The following ENPP3 variants were observed in gnomAD, a reference collection of about 807,000 sequenced individuals.
ENPP3 encodes ectonucleotide pyrophosphatase/phosphodiesterase family member 3.
ENPP3 carries 104 observed loss-of-function variants against 117.8 expected under a neutral mutation model. The observed-to-expected ratio is 0.88, with a 90% CI of 0.75 to 1.04. The LOEUF (loss-of-function observed/expected upper bound fraction) is 1.04. Ranked by LOEUF, ENPP3 falls within the 50% of genes least tolerant of loss-of-function variation. ENPP3 has a pLI of 0.00. For missense variants in ENPP3, 1,026 were observed against 1,051.9 expected (o/e 0.98, Z 0.34); for synonymous variants, 380 against 349.9 (o/e 1.09, Z -0.96).
intron 11 of ENPP3, among the ~76,000 whole-genome samples, chr6:131,679,680 T>A (rs556361008): frequency 4.7e-4 from 72 of 151,936 alleles, no homozygotes; most frequent in Non-Finnish European, 6.0e-4. Context: ...GTTAGGAGAC[T>A]CTCCTCTGAG....
At chr6:131,640,624 G>T (rs1196135406) in intron 1 of ENPP3, among the ~76,000 whole-genome samples, 1 of 152,004 alleles carries the variant, frequency 6.6e-6, no homozygotes, top group Non-Finnish European at 1.5e-5. Context: ...GTTATTTTTT[G>T]TGTCTGAAAC....
At position 131,678,968 on chromosome 6, in the gene ENPP3, T is replaced by TG. The variant is rs1225453387; in HGVS notation, c.1011+1028_1011+1029insG. 2.8e-4 allele frequency among the ~76,000 whole-genome samples: 29 copies of TG among 102,804 alleles called. 1 individual carries two copies. The highest frequency in any genetic ancestry group is 1.6e-3 in the African/African-American group (25 of 15,574). The allele number at this position is 102,804 out of a possible 152,430, so 67.4% of individuals were successfully genotyped here. On this transcript the variant is annotated intron_variant, in intron 11 of 24. Coordinates refer to ENST00000357639, the MANE Select transcript of ENPP3 (RefSeq NM_005021.5). The stretch of plus-strand genomic sequence containing the variant: ...TTCTTTCTTTCTTTCTTTCCTTCCT[T>TG]CCTTCCTTCCTTCCTTCCTTCCTTC...
At chr6:131,742,977 A>G (rs1018404166) in intron 24 of ENPP3, among the ~76,000 whole-genome samples, 11 of 152,184 alleles carry the variant, frequency 7.2e-5, no homozygotes, top group Non-Finnish European at 4.4e-5. Flanking sequence ...ATTTTGAGGA[A>G]TTTGCAGTAT....
At chr6:131,691,271 T>A (rs1779270596) in intron 14 of ENPP3, among the ~76,000 whole-genome samples, 3 of 152,026 alleles carry the variant, frequency 2.0e-5, no homozygotes, top group Non-Finnish European at 4.4e-5. Context: ...ATGAGAGACA[T>A]CACTACTATT....
chr6:131,746,955 A>C lies in ENPP3; in HGVS notation c.2627A>C (p.Ter876SerextTer21). ...TYLPTFETTI[*>S] ...TTACCAACATTTGAAACCACTATTT[A>C]ACTTAATAATGTCTACTTAATATAT... The change falls in exon 25 of 25, where the codon TAA becomes TCA. Residue 876 changes from the stop codon to serine (S), a stop_lost. Coordinates refer to ENST00000357639, the MANE Select transcript of ENPP3 (RefSeq NM_005021.5). 2 of 1,563,044 alleles carry C rather than the reference A, an allele frequency of 1.3e-6. No homozygotes were observed. The highest frequency in any genetic ancestry group is 1.8e-6 in the Non-Finnish European group (2 of 1,140,066).
At chr6:131,702,130 C>A (rs536800893) in intron 15 of ENPP3, among the ~76,000 whole-genome samples, 1 of 152,126 alleles carries the variant, frequency 6.6e-6, no homozygotes, top group East Asian at 1.9e-4. Context: ...CAAATAAATT[C>A]TTCTTTTCCT....
rs778729747 is a variant in ENPP3 at position 131,652,868 on chromosome 6, C to T, written c.441C>T (p.Ala147=). The T allele has an allele frequency of 3.1e-6, 5 of 1,613,028 alleles. No homozygotes were observed. In the East Asian group the frequency reaches 8.9e-5, roughly 29 times the overall value. Residue 147 remains alanine (A), a synonymous_variant, in exon 5 of 25, where the codon GCC becomes GCT. Transcript: ENST00000357639. ...GGCTGGAAGAAAACTGTGACACAGCCCAGCAGTCTCAGTGCCCAGAAGGGT... is the reference window on the plus strand; with the variant it reads ...GGCTGGAAGAAAACTGTGACACAGCTCAGCAGTCTCAGTGCCCAGAAGGGT... ...TSWLEENCDT[A]QQSQCPEGFD...
Position 131,653,989 on chromosome 6 carries a change from C to T in ENPP3, c.464+1098C>T, listed in dbSNP as rs149464213. Among the ~76,000 whole-genome samples the T allele has an allele frequency of 8.2e-3, 1,243 of 152,188 alleles. 19 individuals carry two copies. The highest frequency in any genetic ancestry group is 0.028 in the African/African-American group (1,161 of 41,508). On this transcript the variant is annotated intron_variant, in intron 5 of 24. Coordinates refer to ENST00000357639, the MANE Select transcript of ENPP3 (RefSeq NM_005021.5). Reference sequence around the variant, plus strand: ...CATGGATTCCCCATTTCTCCATCCACCCCTCTGCCCTTCACACTTTTCTGG... The same window carrying T: ...CATGGATTCCCCATTTCTCCATCCATCCCTCTGCCCTTCACACTTTTCTGG...
At chr6:131,745,989 C>T (rs1416455344) in intron 24 of ENPP3, among the ~76,000 whole-genome samples, 5 of 151,716 alleles carry the variant, frequency 3.3e-5, no homozygotes, top group East Asian at 1.9e-4. Context: ...GGTGTGGCGG[C>T]GGGTGCCTGT....
At position 131,710,977 on chromosome 6, in the gene ENPP3, A is replaced by T. The variant is rs546675785; in HGVS notation, c.1413-7695A>T. On this transcript the variant is annotated intron_variant, in intron 15 of 24. Transcript: ENST00000357639. Reference sequence around the variant, plus strand: ...AACTCTGCCTAGCTCCTCCAGGACCAGCCCCAGGTAGGGCTGAGGGGTAGC... The same window carrying T: ...AACTCTGCCTAGCTCCTCCAGGACCTGCCCCAGGTAGGGCTGAGGGGTAGC... 82 of 1,565,708 alleles carry T rather than the reference A, an allele frequency of 5.2e-5. 13 individuals carry two copies. In the South Asian group the frequency reaches 8.6e-4, roughly 16 times the overall value.
Position 131,710,856 on chromosome 6 carries a change from A to G in ENPP3, c.1413-7816A>G, listed in dbSNP as rs530863019. ...AACTTCTCCACAAAAAAAGGAGAAC[A>G]ACAAAAAATCCAATAACAGCTGCAC... On this transcript the variant is annotated intron_variant, in intron 15 of 24. Transcript: ENST00000357639. The G allele has an allele frequency of 8.5e-4, 1,365 of 1,612,300 alleles. 7 individuals are homozygous for G. The African/African-American group carries it at 0.017, about 20-fold the overall frequency.
chr6:131,648,851 G>T (rs1351292870), intron 2 of ENPP3, among the ~76,000 whole-genome samples: 17 of 152,164 alleles, frequency 1.1e-4, no homozygotes, highest in Admixed American at 1.1e-3. Context: ...AAGAACTACA[G>T]AATTCCCATT....
At chr6:131,722,470 T>C in intron 18 of ENPP3, 65 bp downstream of exon 18, 1 of 1,356,048 alleles carries the variant, frequency 7.4e-7, no homozygotes, top group African/African-American at 1.4e-5. Context: ...CCTGGGTAGC[T>C]GACAACTGGG....
chr6:131,667,745 C>T (rs564590887), intron 6 of ENPP3, among the ~76,000 whole-genome samples: 1 of 152,296 alleles, frequency 6.6e-6, no homozygotes, highest in African/African-American at 2.4e-5. Context: ...AGGAGCCTCT[C>T]AAGTAGTTTC....
intron 2 of ENPP3, 131 bp from the exon 3 acceptor site, chr6:131,649,896 T>C (rs1478539159): frequency 7.4e-6 from 7 of 943,414 alleles, no homozygotes; most frequent in Non-Finnish European, 1.1e-5. Context: ...TGGCAGATCC[T>C]GCAGCACCAT....
chr6:131,725,090 G>T (rs575066213), intron 19 of ENPP3, among the ~76,000 whole-genome samples: 1 of 151,712 alleles, frequency 6.6e-6, no homozygotes, highest in South Asian at 2.1e-4. Flanking sequence ...GGGCATGATG[G>T]TGCACCCTTG....
rs1199209876 is a variant in ENPP3 at position 131,674,279 on chromosome 6, C to G, written c.760C>G (p.Pro254Ala). The G allele has an allele frequency of 2.5e-6, 4 of 1,613,582 alleles. No individual in the cohort carries two copies. The African/African-American group carries it at 5.3e-5, about 22-fold the overall frequency. Residue 254 changes from proline (P) to alanine (A), a missense_variant and splice_region_variant, in exon 8 of 25, where the codon CCA (proline) becomes GCA (alanine). Transcript: ENST00000357639. Reference protein sequence around the residue: ...QNNPAWWHGQPMWLTAMYQGL... With the variant: ...QNNPAWWHGQAMWLTAMYQGL... ...TAATCCAGCCTGGTGGCATGGGCAA[C>G]CAGTATGTAGCATTCTACACGTCGC...
intron 21 of ENPP3, among the ~76,000 whole-genome samples, chr6:131,735,441 C>G (rs1003822940): frequency 6.6e-6 from 1 of 151,896 alleles, no homozygotes; most frequent in African/African-American, 2.4e-5. Flanking sequence ...CTTTTGGTGC[C>G]TACTTATTGG....
chr6:131,691,343 C>T (rs1375808296), intron 14 of ENPP3, among the ~76,000 whole-genome samples: 1 of 152,070 alleles, frequency 6.6e-6, no homozygotes, highest in Non-Finnish European at 1.5e-5. Flanking sequence ...AATCCCAGCA[C>T]TTTGGGAGGC....
Sources: allele counts gnomAD v4.1 joint callset (sites outside exome capture counted in the v4.1 genomes callset), GRCh38; gene constraint gnomAD v4.1.1; transcripts MANE v1.5; gene names NCBI Gene and HGNC (gene_info 2026-07-23, HGNC 2026-07-21).